C1QTNF1: variants seen among roughly 807,000 people sequenced by gnomAD.
The protein encoded by C1QTNF1 is complement C1q tumor necrosis factor-related protein 1.
C1QTNF1 carries 22 observed loss-of-function variants against 27.8 expected under a neutral mutation model. The ratio of observed to expected loss-of-function variants is 0.79; its 90% confidence interval spans 0.56 to 1.13. The LOEUF is 1.13. Among genes scored for constraint, C1QTNF1 ranks in the 50% most tolerant of loss-of-function variants. The probability of loss-of-function intolerance (pLI) is 0.00; values close to 1 mark genes in which losing one functional copy is unlikely to be tolerated. For missense variants in C1QTNF1, 373 were observed against 380.2 expected, an observed-to-expected ratio of 0.98 and a Z score of 0.16; for synonymous variants, 166 against 154.3, an observed-to-expected ratio of 1.08 and a Z score of -0.56.
At chr17:79,043,803 C>G in intron 1 of C1QTNF1, 152 bp from the exon 2 acceptor site, 1 of 814,072 alleles carries the variant, frequency 1.2e-6, no homozygotes, top group Non-Finnish European at 2.1e-6. Context: ...ATTGTCCTCC[C>G]AGAAGCTGTG....
chr17:79,033,409 C>G (rs2072186557), intron 1 of C1QTNF1, among the ~76,000 whole-genome samples: 2 of 151,922 alleles, frequency 1.3e-5, no homozygotes, highest in Admixed American at 1.3e-4. Flanking sequence ...GTGGTGTGGA[C>G]CAGGACAGGC....
intron 1 of C1QTNF1, among the ~76,000 whole-genome samples, chr17:79,031,008 CTTT>C (rs11335486): frequency 2.2e-5 from 3 of 137,948 alleles, no homozygotes; most frequent in Admixed American, 7.3e-5. Flanking sequence ...CTTTTCTTTT[CTTT>C]TTTTTTTTTT....
At position 79,049,282 on chromosome 17, in the gene C1QTNF1, G is replaced by A. The variant is rs1273305791; in HGVS notation, c.*1194G>A. ...TTGTCTGTTTCTCAGGCTCCTGTGAGCCTCAGTCCTGAGACCAGAGTCAAG... is the reference window on the plus strand; with the variant it reads ...TTGTCTGTTTCTCAGGCTCCTGTGAACCTCAGTCCTGAGACCAGAGTCAAG... On this transcript the variant is annotated 3_prime_UTR_variant, in exon 4 of 4. Transcript: ENST00000579760. This position sits in a 1 kb window ranked among gnomAD's most constrained non-coding sequence, Gnocchi z 4.4. 6.6e-6 allele frequency: 1 copy of A among 152,272 alleles called. No homozygotes were observed. Among genetic ancestry groups the A allele is most frequent in the Non-Finnish European group, 1.5e-5 (1 of 68,100 alleles). 9.4% of individuals were successfully genotyped at this position (152,272 alleles called of 1,614,324 possible).
At chr17:79,024,139 G>C (rs1055605492), upstream of C1QTNF1, 5 of 152,414 alleles carry the variant, frequency 3.3e-5, no homozygotes, top group Non-Finnish European at 5.9e-5. Context: ...GACGAAAAGC[G>C]CTGGGGGTGT....
intron 1 of C1QTNF1, 49 bp from the exon 2 acceptor site, chr17:79,043,906 C>A (rs143334812): frequency 2.5e-6 from 4 of 1,601,722 alleles, no homozygotes; most frequent in Non-Finnish European, 3.4e-6. Context: ...TTTCTCTGTG[C>A]AGCTCCTTCC....
At chr17:79,026,330 T>G (rs2071959436) in intron 1 of C1QTNF1, among the ~76,000 whole-genome samples, 1 of 152,060 alleles carries the variant, frequency 6.6e-6, no homozygotes, top group African/African-American at 2.4e-5. Flanking sequence ...AATTTTGTAT[T>G]TTTAGTAGAG....
intron 1 of C1QTNF1, chr17:79,024,761 GGCTTTTCTGC>G (rs1568056883): frequency 1.3e-5 from 2 of 152,410 alleles, no homozygotes; most frequent in Non-Finnish European, 2.9e-5. Flanking sequence ...GGAGGAGCGG[GGCTTTTCTGC>G]ACGTGGATAC....
chr17:79,047,903 T>C lies in C1QTNF1; in HGVS notation c.661T>C (p.Leu221=). 6.2e-7 allele frequency: 1 copy of C among 1,614,110 alleles called. No individual in the cohort carries two copies. The highest frequency in any genetic ancestry group is 1.1e-5 in the South Asian group (1 of 91,072). ...GAAGAACGAGGAGGAGGTGGTGATC[T>C]TGTTCGCGCAGGTGGGCGACCGCAG... ...IMKNEEEVVI[L]FAQVGDRSIM... Residue 221 remains leucine, a synonymous_variant, in exon 4 of 4, where the codon TTG becomes CTG. Coordinates refer to ENST00000579760, the MANE Select transcript of C1QTNF1 (RefSeq NM_030968.5).
intron 2 of C1QTNF1, among the ~76,000 whole-genome samples, chr17:79,044,514 A>G (rs1441559781): frequency 6.6e-6 from 1 of 152,188 alleles, no homozygotes; most frequent in African/African-American, 2.4e-5. Flanking sequence ...GAAGTGGAGC[A>G]TGGCCTTAGG....
chr17:79,046,794 A>T lies in C1QTNF1; in HGVS notation c.295+100A>T. On this transcript the variant is annotated intron_variant, in intron 3 of 3. Transcript: ENST00000579760. This position sits in a 1 kb window ranked among gnomAD's most constrained non-coding sequence, Gnocchi z 4.8. ...TAGGGTGGGGCTAGGCGAGAGCAGA[A>T]TGGCTCCCTCGGGACAGGGAGCAGA... 1.4e-6 allele frequency: 2 copies of T among 1,476,104 alleles called. No homozygotes were observed. The highest frequency in any genetic ancestry group is 2.8e-5 in the African/African-American group (2 of 71,900). The allele number at this position is 1,476,104 out of a possible 1,614,324, so 91.4% of individuals were successfully genotyped here. A position where few individuals can be genotyped will look rare whatever the true frequency, so the allele number is the denominator to read the frequency against.
At chr17:79,031,974 G>A (rs1448001194) in intron 1 of C1QTNF1, among the ~76,000 whole-genome samples, 1 of 152,224 alleles carries the variant, frequency 6.6e-6, no homozygotes, top group Non-Finnish European at 1.5e-5. Flanking sequence ...GGACAGGCTT[G>A]TGGCTGAGGC....
chr17:79,047,484 C>T (rs1397417671), intron 3 of C1QTNF1, 54 bp from the exon 4 acceptor site: 5 of 1,488,190 alleles, frequency 3.4e-6, no homozygotes, highest in Non-Finnish European at 4.5e-6. Flanking sequence ...AGCCAAGGCT[C>T]AGGACACTAC....
chr17:79,046,585 C>T lies in C1QTNF1; in HGVS notation c.186C>T (p.Pro62=), dbSNP rs767296445. The change falls in exon 3 of 4, where the codon CCC becomes CCT. Residue 62 remains proline, a synonymous_variant. Coordinates refer to ENST00000579760, the MANE Select transcript of C1QTNF1 (RefSeq NM_030968.5). This position sits in a 1 kb window ranked among gnomAD's most constrained non-coding sequence, Gnocchi z 4.8. ...RAEEQHEKYR[P]SQDQGLPASR... ...AAGAACAACATGAAAAATACAGGCC[C>T]AGTCAGGACCAGGGGCTCCCTGCTT... The T allele has an allele frequency of 1.4e-5, 22 of 1,614,110 alleles. 1 individual carries two copies. The highest frequency in any genetic ancestry group is 5.0e-5 in the Admixed American group (3 of 60,010).
intron 1 of C1QTNF1, among the ~76,000 whole-genome samples, chr17:79,039,381 G>A (rs2072342491): frequency 6.6e-6 from 1 of 150,970 alleles, no homozygotes; most frequent in Non-Finnish European, 1.5e-5. Flanking sequence ...CTGGCGCGGT[G>A]GCAAACGCCC....
At chr17:79,043,450 T>C in intron 1 of C1QTNF1, 1 of 453,682 alleles carries the variant, frequency 2.2e-6, no homozygotes, top group Non-Finnish European at 4.4e-6. Flanking sequence ...GCGTGTGGAT[T>C]CCATGTGTGT....
At chr17:79,043,136 TGTTGGATTG>T (rs2072461772) in intron 1 of C1QTNF1, among the ~76,000 whole-genome samples, 2 of 150,018 alleles carry the variant, frequency 1.3e-5, no homozygotes, top group African/African-American at 5.0e-5. Flanking sequence ...TGTGTGTGCA[TGTTGGATTG>T]CATGTGAGTG....
intron 1 of C1QTNF1, among the ~76,000 whole-genome samples, chr17:79,024,698 G>A (rs2071880045): frequency 6.6e-6 from 1 of 152,244 alleles, no homozygotes; most frequent in Non-Finnish European, 1.5e-5. Flanking sequence ...CTCAGCCCCC[G>A]CCATAGGCGC....
At chr17:79,038,752 G>T (rs2072326467) in intron 1 of C1QTNF1, among the ~76,000 whole-genome samples, 1 of 152,170 alleles carries the variant, frequency 6.6e-6, no homozygotes, top group Non-Finnish European at 1.5e-5. Flanking sequence ...TACTGTAGGG[G>T]GATTTTTGCT....
At chr17:79,026,150 C>G (rs888494823) in intron 1 of C1QTNF1, among the ~76,000 whole-genome samples, 1 of 151,678 alleles carries the variant, frequency 6.6e-6, no homozygotes, top group Non-Finnish European at 1.5e-5. Context: ...ATCCCAAGTG[C>G]GTCATATGCT....
Sources: allele counts gnomAD v4.1 joint callset (sites outside exome capture counted in the v4.1 genomes callset), GRCh38; gene constraint gnomAD v4.1.1; non-coding constraint Gnocchi (gnomAD v3.1); transcripts MANE v1.5; gene names NCBI Gene and HGNC (gene_info 2026-07-23, HGNC 2026-07-21).